The following CACNB2 variants were observed in gnomAD, a reference collection of about 807,000 sequenced individuals.
CACNB2 encodes the protein voltage-dependent L-type calcium channel subunit beta-2.
CACNB2 carries 42 observed loss-of-function variants against 73.3 expected under a neutral mutation model. That is an observed-to-expected ratio of 0.57 (90% CI 0.45 to 0.74). CACNB2 has a LOEUF of 0.74. Among genes scored for constraint, CACNB2 ranks in the 30% least tolerant of loss-of-function variants. The pLI, the probability that CACNB2 is intolerant of heterozygous loss-of-function variation, is 0.00. For missense variants in CACNB2, 940 were observed against 853.0 expected (o/e 1.10, Z -1.27); for synonymous variants, 348 against 310.3 (o/e 1.12, Z -1.28).
intron 3 of CACNB2, among the ~76,000 whole-genome samples, chr10:18,409,818 G>C (rs1332907239): frequency 6.6e-6 from 1 of 152,276 alleles, no homozygotes; most frequent in Admixed American, 6.5e-5. Context: ...GCTTTTGGCA[G>C]TTGTCCAAGA....
In CACNB2 at chr10:18,330,963, G is replaced by A. The variant is rs764607696; in HGVS notation, c.214-70961G>A. Among the ~76,000 whole-genome samples, 11 of 150,970 alleles carry A rather than the reference G, an allele frequency of 7.3e-5. No homozygotes were observed. In the East Asian group the frequency reaches 1.2e-3, roughly 16 times the overall value. Reference sequence around the variant, plus strand: ...ATTACAGGTGTGAGCCACCGTGCCCGGCCTTTTTATCTTCTGCACCATGCC... The same window carrying A: ...ATTACAGGTGTGAGCCACCGTGCCCAGCCTTTTTATCTTCTGCACCATGCC... On this transcript the variant is annotated intron_variant, in intron 2 of 13. Transcript: ENST00000324631.
chr10:18,421,192 C>T (rs1261768919), intron 3 of CACNB2, among the ~76,000 whole-genome samples: 1 of 150,692 alleles, frequency 6.6e-6, no homozygotes, highest in Admixed American at 6.6e-5. Flanking sequence ...TAATCTTAGC[C>T]CTTGACATTT....
intron 2 of CACNB2, among the ~76,000 whole-genome samples, chr10:18,338,914 T>A (rs1429899120): frequency 1.3e-5 from 2 of 151,762 alleles, no homozygotes; most frequent in Non-Finnish European, 2.9e-5. Context: ...AATTTTTAAA[T>A]TTTTTTGCAG....
intron 2 of CACNB2, among the ~76,000 whole-genome samples, chr10:18,220,217 A>AGAGAGGGGGGGG: frequency 1.8e-5 from 1 of 54,556 alleles, no homozygotes; most frequent in African/African-American, 1.0e-4. Context: ...ATATATATAT[A>AGAGAGGGGGGGG]TATATATATA....
intron 3 of CACNB2, among the ~76,000 whole-genome samples, chr10:18,457,359 G>T (rs1251741698): frequency 6.6e-6 from 1 of 151,986 alleles, no homozygotes; most frequent in Non-Finnish European, 1.5e-5. Flanking sequence ...CAAAGTGCTG[G>T]AATTACAGGC....
chr10:18,144,160 C>A (rs1470134842), intron 1 of CACNB2, among the ~76,000 whole-genome samples: 4 of 152,324 alleles, frequency 2.6e-5, no homozygotes, highest in African/African-American at 9.6e-5. Flanking sequence ...TCACTGCAAC[C>A]TCCACCTCCT....
intron 3 of CACNB2, among the ~76,000 whole-genome samples, chr10:18,416,843 AC>A (rs149063358): frequency 3.4e-3 from 519 of 152,232 alleles, no homozygotes; most frequent in African/African-American, 0.012. Context: ...AGATATAGTT[AC>A]CCCATTTTAT....
intron 2 of CACNB2, among the ~76,000 whole-genome samples, chr10:18,155,440 A>G (rs1270130204): frequency 6.6e-6 from 1 of 152,226 alleles, no homozygotes; most frequent in Non-Finnish European, 1.5e-5. Context: ...TGGAAAGACC[A>G]CATTTGATTT....
intron 2 of CACNB2, among the ~76,000 whole-genome samples, chr10:18,235,859 G>A (rs1246669726): frequency 1.3e-5 from 2 of 152,152 alleles, no homozygotes; most frequent in Non-Finnish European, 2.9e-5. Context: ...GGAGGAGGGG[G>A]CTGGTGGGAT....
At chr10:18,250,534 T>C (rs1022503951) in intron 2 of CACNB2, among the ~76,000 whole-genome samples, 1 of 86,916 alleles carries the variant, frequency 1.2e-5, no homozygotes, top group South Asian at 5.1e-4. Context: ...TATCTCTCTC[T>C]TTTTTTTTTT....
At position 18,172,516 on chromosome 10, in the gene CACNB2, C is replaced by A. The variant is rs540498213; in HGVS notation, c.213+21541C>A. On this transcript the variant is annotated intron_variant, in intron 2 of 13. Transcript: ENST00000324631. ...TTTTGTAATTTTTTTTCAAACTGTACAATATCCCTGAGAGTAGGGAAGAAA... is the reference window on the plus strand; with the variant it reads ...TTTTGTAATTTTTTTTCAAACTGTAAAATATCCCTGAGAGTAGGGAAGAAA... Among the ~76,000 whole-genome samples the A allele has an allele frequency of 2.2e-4, 34 of 152,032 alleles. No individual in the cohort carries two copies. The South Asian group carries it at 7.1e-3, about 32-fold the overall frequency.
chr10:18,281,177 G>A (rs2038529932), intron 2 of CACNB2, among the ~76,000 whole-genome samples: 1 of 152,078 alleles, frequency 6.6e-6, no homozygotes, highest in Non-Finnish European at 1.5e-5. Context: ...CATTAGTGTT[G>A]GACAATTGGA....
intron 3 of CACNB2, among the ~76,000 whole-genome samples, chr10:18,432,467 TGTGTG>T: frequency 6.6e-6 from 1 of 151,980 alleles, no homozygotes; most frequent in Non-Finnish European, 1.5e-5. Context: ...TGTGTGTGTG[TGTGTG>T]TGTGTGTGTC....
chr10:18,444,138 C>T (rs183067880), intron 3 of CACNB2, among the ~76,000 whole-genome samples: 5 of 152,232 alleles, frequency 3.3e-5, no homozygotes, highest in East Asian at 1.9e-4. Context: ...GAAATCCTAA[C>T]GCCAAAGGTG....
intron 3 of CACNB2, among the ~76,000 whole-genome samples, chr10:18,491,595 C>T (rs1342514926): frequency 6.6e-6 from 1 of 151,996 alleles, no homozygotes; most frequent in Non-Finnish European, 1.5e-5. Context: ...GGGGGAAAAA[C>T]AATCTGGTAG....
intron 3 of CACNB2, among the ~76,000 whole-genome samples, chr10:18,487,969 G>C (rs957206865): frequency 1.3e-5 from 2 of 151,648 alleles, no homozygotes; most frequent in Non-Finnish European, 2.9e-5. Flanking sequence ...GGAATAAAAA[G>C]TCATGCAAAT....
intron 2 of CACNB2, among the ~76,000 whole-genome samples, chr10:18,360,855 C>G (rs143514008): frequency 9.8e-5 from 15 of 152,324 alleles, no homozygotes; most frequent in South Asian, 2.1e-4. Flanking sequence ...GTCCTTTCCC[C>G]TATCCTTAGC....
chr10:18,314,327 T>C (rs2040073174), intron 2 of CACNB2, among the ~76,000 whole-genome samples: 1 of 152,234 alleles, frequency 6.6e-6, no homozygotes, highest in Non-Finnish European at 1.5e-5. Flanking sequence ...TGAATTTGAA[T>C]GTTAGTTGAA....
intron 11 of CACNB2, 84 bp from the exon 12 acceptor site, chr10:18,536,017 C>A: frequency 2.6e-6 from 2 of 784,236 alleles, no homozygotes; most frequent in Non-Finnish European, 4.5e-6. Flanking sequence ...TATAAAAAGG[C>A]CCCAGAGAAA....
Sources: allele counts gnomAD v4.1 joint callset (sites outside exome capture counted in the v4.1 genomes callset), GRCh38; gene constraint gnomAD v4.1.1; transcripts MANE v1.5; gene names NCBI Gene and HGNC (gene_info 2026-07-23, HGNC 2026-07-21).